The following STOX1 variants were observed in gnomAD, a reference collection of about 807,000 sequenced individuals.
STOX1 encodes the protein storkhead box 1, also known as storkhead-box protein 1.
A neutral mutation model predicts 74.8 loss-of-function variants in STOX1; 57 were observed. That is an observed-to-expected ratio of 0.76 (90% confidence interval 0.62 to 0.95). The LOEUF is 0.95. Among genes scored for constraint, STOX1 ranks in the 40% least tolerant of loss-of-function variants. The probability of loss-of-function intolerance (pLI) is 0.00; values close to 1 mark genes in which losing one functional copy is unlikely to be tolerated. For missense variants in STOX1, 1,010 were observed against 1,117.0 expected (o/e 0.90, Z 1.37); for synonymous variants, 375 against 401.3 (o/e 0.93, Z 0.78).
intron 1 of STOX1, among the ~76,000 whole-genome samples, chr10:68,876,857 A>G (rs73266489): frequency 0.055 from 8,300 of 152,290 alleles, 288 homozygotes; most frequent in African/African-American, 0.088. Flanking sequence ...GGTTACATCT[A>G]TAAGTGGGAT....
At chr10:68,837,632 C>T (rs1039815002) in intron 1 of STOX1, among the ~76,000 whole-genome samples, 2 of 152,272 alleles carry the variant, frequency 1.3e-5, no homozygotes, top group South Asian at 2.1e-4. Flanking sequence ...GATGTAAGCC[C>T]CCATGGGCCT....
At chr10:68,860,197 G>T (rs1840227042) in intron 1 of STOX1, among the ~76,000 whole-genome samples, 6 of 151,550 alleles carry the variant, frequency 4.0e-5, no homozygotes, top group Admixed American at 3.3e-4. Context: ...GGACCCAGGA[G>T]GCGGACGTTG....
intron 1 of STOX1, among the ~76,000 whole-genome samples, chr10:68,843,922 T>C (rs1009543606): frequency 9.2e-5 from 14 of 151,878 alleles, no homozygotes; most frequent in Admixed American, 8.5e-4. Flanking sequence ...GGCTCACGCC[T>C]GTAATCCCAG....
At chr10:68,831,108 G>C (rs1839395695) in intron 1 of STOX1, among the ~76,000 whole-genome samples, 1 of 152,170 alleles carries the variant, frequency 6.6e-6, no homozygotes, top group Non-Finnish European at 1.5e-5. Flanking sequence ...CATTCTCACT[G>C]TTATTTTGTA....
chr10:68,858,247 A>C (rs1468440440), intron 1 of STOX1, among the ~76,000 whole-genome samples: 1 of 152,114 alleles, frequency 6.6e-6, no homozygotes, highest in African/African-American at 2.4e-5. Flanking sequence ...TAGAAGCAGA[A>C]GTCGGGTGAC....
At chr10:68,867,413 C>T (rs1840437157) in intron 1 of STOX1, among the ~76,000 whole-genome samples, 1 of 152,324 alleles carries the variant, frequency 6.6e-6, no homozygotes, top group East Asian at 1.9e-4. Context: ...CTCTAAATCA[C>T]CCTCTCTTCT....
At chr10:68,831,533 A>G (rs559666476) in intron 1 of STOX1, among the ~76,000 whole-genome samples, 1 of 152,080 alleles carries the variant, frequency 6.6e-6, no homozygotes, top group South Asian at 2.1e-4. Flanking sequence ...GCATTAGGGT[A>G]TAGGAAGTAT....
At chr10:68,889,956 AT>A (rs554853780) in intron 3 of STOX1, among the ~76,000 whole-genome samples, 238 of 129,848 alleles carry the variant, frequency 1.8e-3, no homozygotes, top group Admixed American at 1.9e-3. Flanking sequence ...GTGTGTGTGT[AT>A]TTTTTTTTTT....
chr10:68,877,209 G>A (rs1189979069), intron 1 of STOX1, among the ~76,000 whole-genome samples: 1 of 151,952 alleles, frequency 6.6e-6, no homozygotes, highest in African/African-American at 2.4e-5. Context: ...TTTTAAGGGG[G>A]GAAAAAAGGC....
chr10:68,837,397 C>T (rs1318482128), intron 1 of STOX1, among the ~76,000 whole-genome samples: 2 of 152,070 alleles, frequency 1.3e-5, no homozygotes, highest in East Asian at 1.9e-4. Flanking sequence ...GGGAGGTGGG[C>T]GTTGGCACAA....
chr10:68,853,136 G>A (rs1188880170), intron 1 of STOX1, among the ~76,000 whole-genome samples: 3 of 151,998 alleles, frequency 2.0e-5, no homozygotes, highest in South Asian at 4.1e-4. Flanking sequence ...TGTTAGCCAG[G>A]CTGGTCTCAA....
rs187088398 is a variant in STOX1, at chr10:68,838,505, G to A, written c.310+10572G>A. Reference sequence around the variant, plus strand: ...GGCATCTTTAGGGTTTCCTATGTAAGATCATGTCATCTGTAAACAGAGATG... The same window carrying A: ...GGCATCTTTAGGGTTTCCTATGTAAAATCATGTCATCTGTAAACAGAGATG... On this transcript the variant is annotated intron_variant, in intron 1 of 3. Coordinates refer to ENST00000298596, the MANE Select transcript of STOX1 (RefSeq NM_152709.5). Among the ~76,000 whole-genome samples, 43 of 152,230 alleles carry A rather than the reference G, an allele frequency of 2.8e-4. No individual in the cohort carries two copies. The East Asian group carries it at 7.9e-3, about 28-fold the overall frequency.
intron 1 of STOX1, among the ~76,000 whole-genome samples, chr10:68,874,685 A>C (rs1266918782): frequency 8.1e-6 from 1 of 123,112 alleles, no homozygotes; most frequent in Non-Finnish European, 1.7e-5. Context: ...AAAAAAAAAA[A>C]CCCTTGCTTA....
At chr10:68,842,549 T>C (rs1367234275) in intron 1 of STOX1, among the ~76,000 whole-genome samples, 2 of 143,274 alleles carry the variant, frequency 1.4e-5, no homozygotes, top group Non-Finnish European at 3.0e-5. Flanking sequence ...TTTTTTTTTT[T>C]TTTTTTTTTG....
intron 1 of STOX1, among the ~76,000 whole-genome samples, chr10:68,838,584 C>A (rs1467062723): frequency 6.6e-6 from 1 of 151,958 alleles, no homozygotes; most frequent in African/African-American, 2.4e-5. Flanking sequence ...TTGGCTAATT[C>A]CTCTGGGTAG....
chr10:68,874,013 C>CTTTTTTTTTTTTT lies in STOX1; in HGVS notation c.311-7934_311-7922dup, dbSNP rs1160388935. The stretch of plus-strand genomic sequence containing the variant: ...GAAAAATTGCAGATAGCTAGGTAGC[C>CTTTTTTTTTTTTT]TTTTTTTTTTTTTTTTTTTTTTTGC... On this transcript the variant is annotated intron_variant, in intron 1 of 3. Coordinates refer to ENST00000298596, the MANE Select transcript of STOX1 (RefSeq NM_152709.5). Among the ~76,000 whole-genome samples, 5 of 25,758 alleles carry CTTTTTTTTTTTTT rather than the reference C, an allele frequency of 1.9e-4. 2 individuals are homozygous for CTTTTTTTTTTTTT. The highest frequency in any genetic ancestry group is 2.4e-4 in the Non-Finnish European group (4 of 16,356). The allele number at this position is 25,758 out of a possible 152,430, so 16.9% of individuals were successfully genotyped here.
intron 1 of STOX1, among the ~76,000 whole-genome samples, chr10:68,880,854 C>T (rs929134503): frequency 9.2e-5 from 14 of 151,994 alleles, no homozygotes; most frequent in Admixed American, 3.9e-4. Flanking sequence ...CCACCGTGTC[C>T]GGCTAATTTT....
intron 1 of STOX1, 65 bp from the exon 2 acceptor site, chr10:68,881,893 C>G (rs1840820179): frequency 6.3e-7 from 1 of 1,593,480 alleles, no homozygotes; most frequent in African/African-American, 1.3e-5. Flanking sequence ...TCACTAATTC[C>G]AAACATTTTA....
At chr10:68,874,204 G>T (rs554999664) in intron 1 of STOX1, among the ~76,000 whole-genome samples, 1 of 151,762 alleles carries the variant, frequency 6.6e-6, no homozygotes, top group African/African-American at 2.4e-5. Context: ...ACATCTTAAC[G>T]TATGTCCCTG....
Sources: gnomAD v4.1 joint callset for allele counts (sites outside exome capture counted in the v4.1 genomes callset) on GRCh38, gnomAD v4.1.1 for gene constraint, MANE v1.5 for transcripts, NCBI Gene and HGNC (gene_info 2026-07-23, HGNC 2026-07-21) for gene names.